GNAQ: variants seen among roughly 807,000 people sequenced by gnomAD.
GNAQ encodes the protein guanine nucleotide-binding protein G(q) subunit alpha.
Under a neutral mutation model 43.9 loss-of-function variants are expected in GNAQ, and 8 were observed. That is an observed-to-expected ratio of 0.18 (90% CI 0.11 to 0.33). The LOEUF is 0.33. Among genes scored for constraint, GNAQ ranks in the 10% least tolerant of loss-of-function variants. The pLI, the probability that GNAQ is intolerant of heterozygous loss-of-function variation, is 1.00. For missense variants in GNAQ, 158 were observed against 450.8 expected, an observed-to-expected ratio of 0.35 and a Z score of 5.88; for synonymous variants, 155 against 170.7, an observed-to-expected ratio of 0.91 and a Z score of 0.71.
chr9:77,774,402 A>G (rs760883830), intron 5 of GNAQ, among the ~76,000 whole-genome samples: 4 of 152,248 alleles, frequency 2.6e-5, no homozygotes, highest in Non-Finnish European at 5.9e-5. Flanking sequence ...ACTGCATCTT[A>G]TCTTTCTGAA....
At chr9:77,922,421 G>A (rs1829012676) in intron 1 of GNAQ, 76 bp from the exon 2 acceptor site, 1 of 1,019,440 alleles carries the variant, frequency 9.8e-7, no homozygotes, top group Admixed American at 1.9e-5. Context: ...CAAATACCAT[G>A]CCTTGGATTT....
chr9:77,768,659 C>G (rs1294985144), intron 5 of GNAQ, among the ~76,000 whole-genome samples: 1 of 152,196 alleles, frequency 6.6e-6, no homozygotes, highest in African/African-American at 2.4e-5. Context: ...CTGAAGAAAT[C>G]TGTCTTGGGA....
chr9:77,935,621 A>G (rs970374220), intron 1 of GNAQ, among the ~76,000 whole-genome samples: 23 of 152,212 alleles, frequency 1.5e-4, no homozygotes, highest in African/African-American at 5.5e-4. Flanking sequence ...TGTGTTCCAC[A>G]TGTGCTGTCC....
chr9:77,812,132 A>G (rs1389467675), intron 3 of GNAQ, among the ~76,000 whole-genome samples: 1 of 152,212 alleles, frequency 6.6e-6, no homozygotes, highest in African/African-American at 2.4e-5. Flanking sequence ...AAGAATGCCA[A>G]TGTAGACCAA....
intron 1 of GNAQ, among the ~76,000 whole-genome samples, chr9:77,941,907 T>TAC (rs10560776): frequency 0.14 from 19,438 of 140,866 alleles, 1,273 homozygotes; most frequent in East Asian, 0.15. Flanking sequence ...ACAACATACA[T>TAC]ACACACACAC....
chr9:77,847,747 G>A (rs1268705488), intron 2 of GNAQ, among the ~76,000 whole-genome samples: 1 of 152,200 alleles, frequency 6.6e-6, no homozygotes, highest in African/African-American at 2.4e-5. Flanking sequence ...ATGTGGTTGT[G>A]CATTTTGGGC....
chr9:77,754,382 G>A (rs961447022), intron 5 of GNAQ, among the ~76,000 whole-genome samples: 3 of 152,190 alleles, frequency 2.0e-5, no homozygotes, highest in African/African-American at 7.2e-5. Flanking sequence ...CACTCCATCT[G>A]TACTTCTTGA....
intron 5 of GNAQ, among the ~76,000 whole-genome samples, chr9:77,747,957 A>G (rs968445895): frequency 6.6e-6 from 1 of 152,130 alleles, no homozygotes; most frequent in Non-Finnish European, 1.5e-5. Flanking sequence ...GATGGTGTCA[A>G]TTGGTGACAT....
At chr9:77,884,376 C>T (rs957705731) in intron 2 of GNAQ, among the ~76,000 whole-genome samples, 20 of 152,004 alleles carry the variant, frequency 1.3e-4, no homozygotes, top group Non-Finnish European at 2.9e-5. Context: ...CTCTGTTCTG[C>T]TATATTTCAG....
intron 1 of GNAQ, among the ~76,000 whole-genome samples, chr9:77,962,192 T>C (rs1024521454): frequency 2.0e-5 from 3 of 152,122 alleles, no homozygotes; most frequent in African/African-American, 7.2e-5. Flanking sequence ...AATCGAGTTA[T>C]CTAATATACT....
chr9:77,945,473 A>G (rs572147543), intron 1 of GNAQ, among the ~76,000 whole-genome samples: 6 of 152,134 alleles, frequency 3.9e-5, no homozygotes, highest in Non-Finnish European at 7.4e-5. Flanking sequence ...GCCCTCCATT[A>G]TTTTATGCAT....
At chr9:77,764,929 A>G (rs1826110356) in intron 5 of GNAQ, among the ~76,000 whole-genome samples, 2 of 152,204 alleles carry the variant, frequency 1.3e-5, no homozygotes, top group East Asian at 1.9e-4. Flanking sequence ...GTTGAAACCA[A>G]CAGACTCTTC....
chr9:77,853,753 G>C (rs1587946138), intron 2 of GNAQ, among the ~76,000 whole-genome samples: 1 of 114,966 alleles, frequency 8.7e-6, no homozygotes, highest in African/African-American at 3.4e-5. Context: ...TTTCAATTTA[G>C]GATCTTTGTG....
chr9:78,024,286 G>A (rs746262503), intron 1 of GNAQ, among the ~76,000 whole-genome samples: 8 of 152,054 alleles, frequency 5.3e-5, no homozygotes, highest in South Asian at 2.1e-4. Flanking sequence ...CTGTGCGCCC[G>A]GTGGCCCACA....
intron 5 of GNAQ, among the ~76,000 whole-genome samples, chr9:77,740,381 T>C (rs1825634204): frequency 1.3e-5 from 2 of 152,216 alleles, no homozygotes. Context: ...CCAAAGACTG[T>C]AAGCATATGG....
intron 2 of GNAQ, among the ~76,000 whole-genome samples, chr9:77,898,820 C>T (rs536395276): frequency 6.6e-6 from 1 of 152,078 alleles, no homozygotes; most frequent in African/African-American, 2.4e-5. Context: ...ACAACATATA[C>T]ATTTTGAGGT....
At chr9:77,840,937 T>C (rs547133859) in intron 2 of GNAQ, among the ~76,000 whole-genome samples, 4 of 152,104 alleles carry the variant, frequency 2.6e-5, no homozygotes, top group South Asian at 2.1e-4. Context: ...AGCAGACCGA[T>C]AGGCCACTCC....
At chr9:77,928,148 T>C (rs1264255432) in intron 1 of GNAQ, among the ~76,000 whole-genome samples, 1 of 152,228 alleles carries the variant, frequency 6.6e-6, no homozygotes, top group Non-Finnish European at 1.5e-5. Flanking sequence ...GTTGTCCACA[T>C]TCCAGGCTAT....
chr9:77,932,872 CA>C (rs201628411), intron 1 of GNAQ, among the ~76,000 whole-genome samples: 11 of 150,146 alleles, frequency 7.3e-5, no homozygotes, highest in South Asian at 2.1e-4. Flanking sequence ...ACAATCAAAA[CA>C]AAAAAAAATC....
Sources: allele counts gnomAD v4.1 joint callset (sites outside exome capture counted in the v4.1 genomes callset), GRCh38; gene constraint gnomAD v4.1.1; transcripts MANE v1.5; gene names NCBI Gene and HGNC (gene_info 2026-07-23, HGNC 2026-07-21).